The following HS2ST1 variants were observed in gnomAD, a reference collection of about 807,000 sequenced individuals.
HS2ST1 encodes the protein 2-O-sulfotransferase.
Under a neutral mutation model 42.9 loss-of-function variants are expected in HS2ST1, and 18 were observed. The observed-to-expected ratio is 0.42, with a 90% confidence interval of 0.29 to 0.62. The LOEUF is 0.62. Ranked by LOEUF, HS2ST1 falls within the 20% of genes least tolerant of loss-of-function variation. The pLI is 0.21. For missense variants in HS2ST1, 334 were observed against 433.8 expected (o/e 0.77, Z 2.04); for synonymous variants, 146 against 152.9 (o/e 0.95, Z 0.33).
chr1:87,052,693 A>C lies in HS2ST1; in HGVS notation c.125-20241A>C, dbSNP rs576322444. Among the ~76,000 whole-genome samples, 139 of 152,320 alleles carry C rather than the reference A, an allele frequency of 9.1e-4. No individual in the cohort carries two copies. In the South Asian group the frequency reaches 0.028, roughly 30 times the overall value. On this transcript the variant is annotated intron_variant, in intron 1 of 6. Transcript: ENST00000370550. Reference sequence around the variant, plus strand: ...CCAATAGAATCAGTGCCATGAGTTAAAGGGTAATGGATGTGATGACCAGAA... The same window carrying C: ...CCAATAGAATCAGTGCCATGAGTTACAGGGTAATGGATGTGATGACCAGAA...
At chr1:86,997,606 G>A (rs773404832) in intron 1 of HS2ST1, among the ~76,000 whole-genome samples, 1 of 152,082 alleles carries the variant, frequency 6.6e-6, no homozygotes, top group African/African-American at 2.4e-5. Context: ...ACAGCTTCAG[G>A]TATTTGAGAT....
intron 1 of HS2ST1, among the ~76,000 whole-genome samples, chr1:87,038,480 C>T (rs1242911530): frequency 2.0e-5 from 3 of 151,932 alleles, no homozygotes; most frequent in Admixed American, 2.0e-4. Flanking sequence ...AATTCAAATT[C>T]AATAAAATTA....
chr1:86,915,975 T>A (rs546895464), intron 1 of HS2ST1, among the ~76,000 whole-genome samples: 133 of 152,322 alleles, frequency 8.7e-4, no homozygotes, highest in East Asian at 1.2e-3. Flanking sequence ...AGTAGGATTA[T>A]GCGGAAAGCT....
chr1:86,962,152 A>G (rs974909743), intron 1 of HS2ST1, among the ~76,000 whole-genome samples: 4 of 152,204 alleles, frequency 2.6e-5, no homozygotes, highest in African/African-American at 9.7e-5. Flanking sequence ...GACCGTGTGC[A>G]TTACCAATAG....
At chr1:87,010,347 T>C (rs1201688639) in intron 1 of HS2ST1, among the ~76,000 whole-genome samples, 1 of 152,118 alleles carries the variant, frequency 6.6e-6, no homozygotes, top group Non-Finnish European at 1.5e-5. Flanking sequence ...TTAATTACTA[T>C]TTACATATTA....
chr1:86,940,216 A>C (rs1660732361), intron 1 of HS2ST1, among the ~76,000 whole-genome samples: 1 of 152,154 alleles, frequency 6.6e-6, no homozygotes, highest in Non-Finnish European at 1.5e-5. Flanking sequence ...TCTACAAAAA[A>C]TTAAAAAATT....
At chr1:86,940,764 G>A (rs1660743999) in intron 1 of HS2ST1, among the ~76,000 whole-genome samples, 1 of 152,008 alleles carries the variant, frequency 6.6e-6, no homozygotes, top group African/African-American at 2.4e-5. Context: ...GGAGGCTGGG[G>A]CAGTAGGATT....
intron 1 of HS2ST1, among the ~76,000 whole-genome samples, chr1:86,982,084 G>A (rs1197137543): frequency 6.6e-6 from 1 of 152,202 alleles, no homozygotes. Context: ...CAGTGCTTGG[G>A]GGCGTGCACC....
intron 1 of HS2ST1, among the ~76,000 whole-genome samples, chr1:87,065,150 C>T (rs1055417370): frequency 1.3e-5 from 2 of 152,208 alleles, no homozygotes; most frequent in African/African-American, 4.8e-5. Flanking sequence ...TCTTTTGGTG[C>T]ATCTGTATTG....
intron 1 of HS2ST1, among the ~76,000 whole-genome samples, chr1:87,071,715 G>A (rs910260445): frequency 6.1e-4 from 90 of 147,196 alleles, no homozygotes; most frequent in African/African-American, 2.2e-3. Flanking sequence ...GTGACAAAGC[G>A]AGACTCTGTC....
chr1:86,992,491 C>T (rs973563079), intron 1 of HS2ST1, among the ~76,000 whole-genome samples: 2 of 152,004 alleles, frequency 1.3e-5, no homozygotes, highest in South Asian at 2.1e-4. Flanking sequence ...CTCAGCCTCC[C>T]GAGTAGCTGG....
intron 1 of HS2ST1, among the ~76,000 whole-genome samples, chr1:86,974,562 G>C (rs1212689990): frequency 6.6e-6 from 1 of 152,174 alleles, no homozygotes; most frequent in East Asian, 1.9e-4. Flanking sequence ...AATCCAAACA[G>C]AAGTTTGTGA....
chr1:86,992,868 A>C (rs1232630170), intron 1 of HS2ST1: 4 of 517,764 alleles, frequency 7.7e-6, no homozygotes, highest in African/African-American at 1.9e-5. Context: ...TTTTTATTCT[A>C]GTTTTGATGA....
chr1:86,935,406 A>G (rs1660624149), intron 1 of HS2ST1, among the ~76,000 whole-genome samples: 1 of 130,010 alleles, frequency 7.7e-6, no homozygotes, highest in Non-Finnish European at 1.6e-5. Context: ...CTCTTTGTTG[A>G]CTCAGATCTT....
intron 1 of HS2ST1, among the ~76,000 whole-genome samples, chr1:86,953,974 A>G (rs1056956703): frequency 7.3e-6 from 1 of 136,134 alleles, no homozygotes; most frequent in Non-Finnish European, 1.5e-5. Flanking sequence ...TCACTGTTTT[A>G]TGTGGGCATG....
intron 1 of HS2ST1, among the ~76,000 whole-genome samples, chr1:86,938,045 C>T (rs537450166): frequency 1.3e-5 from 2 of 152,108 alleles, no homozygotes; most frequent in African/African-American, 2.4e-5. Context: ...AGCATGAATA[C>T]CTAGCACTGT....
chr1:86,995,251 CTAATG>C (rs1417436186), intron 1 of HS2ST1, among the ~76,000 whole-genome samples: 4 of 152,082 alleles, frequency 2.6e-5, no homozygotes, highest in Non-Finnish European at 5.9e-5. Flanking sequence ...AAATTTAAGT[CTAATG>C]TAAGCTATTT....
intron 1 of HS2ST1, among the ~76,000 whole-genome samples, chr1:86,954,046 A>ATT (rs1557492052): frequency 3.1e-5 from 4 of 127,180 alleles, no homozygotes; most frequent in Admixed American, 7.1e-5. Flanking sequence ...TTTTTAAAAA[A>ATT]AAAAAAAAAA....
At chr1:86,924,801 T>TG (rs745874534) in intron 1 of HS2ST1, among the ~76,000 whole-genome samples, 15 of 152,124 alleles carry the variant, frequency 9.9e-5, no homozygotes, top group South Asian at 2.1e-4. Context: ...GGGCCTGTGA[T>TG]GGGGGGGCAC....
Sources: allele counts gnomAD v4.1 joint callset (sites outside exome capture counted in the v4.1 genomes callset), GRCh38; gene constraint gnomAD v4.1.1; transcripts MANE v1.5; gene names NCBI Gene and HGNC (gene_info 2026-07-23, HGNC 2026-07-21).